DAPK3: variants seen among roughly 807,000 people sequenced by gnomAD.
The protein encoded by DAPK3 is death associated protein kinase 3, also known as death-associated protein kinase 3.
Under a neutral mutation model 30.6 loss-of-function variants are expected in DAPK3, and 24 were observed. That is an observed-to-expected ratio of 0.78 (90% CI 0.57 to 1.10). The LOEUF (loss-of-function observed/expected upper bound fraction) is 1.10. Ranked by LOEUF, DAPK3 falls within the 50% of genes least tolerant of loss-of-function variation. The pLI, the probability that DAPK3 is intolerant of heterozygous loss-of-function variation, is 0.00. For missense variants in DAPK3, 629 were observed against 657.3 expected, an observed-to-expected ratio of 0.96 and a Z score of 0.47; for synonymous variants, 341 against 284.0, an observed-to-expected ratio of 1.20 and a Z score of -2.02.
At chr19:3,967,723 CCA>C (rs1445353847) in intron 2 of DAPK3, among the ~76,000 whole-genome samples, 1 of 152,216 alleles carries the variant, frequency 6.6e-6, no homozygotes, top group East Asian at 1.9e-4. Context: ...CCACTGCACT[CCA>C]GTCTCGGCAA....
At chr19:3,960,451 A>G (rs1215573983) in intron 7 of DAPK3, among the ~76,000 whole-genome samples, 2 of 152,088 alleles carry the variant, frequency 1.3e-5, no homozygotes, top group African/African-American at 2.4e-5. Flanking sequence ...TACTTTACAC[A>G]CCGGCAACTA....
chr19:3,968,832 G>A (rs973117517), intron 2 of DAPK3, among the ~76,000 whole-genome samples: 29 of 152,288 alleles, frequency 1.9e-4, no homozygotes, highest in African/African-American at 6.7e-4. Flanking sequence ...GCTCCAGGGA[G>A]GCTGGCCAGT....
chr19:3,964,322 GCT>G lies in DAPK3; in HGVS notation c.473_474del (p.Lys158ThrfsTer34). On this transcript the variant is annotated frameshift_variant, in exon 4 of 9. Coordinates refer to ENST00000545797, the MANE Select transcript of DAPK3 (RefSeq NM_001348.3). LOFTEE classifies it high-confidence loss of function. ...TTGTGCGCGATGCCGAAGTCGATGAGCTTGATTCGTGGGTTGGGCACGTTCTT... is the reference window on the plus strand; with the variant it reads ...TTGTGCGCGATGCCGAAGTCGATGAGTGATTCGTGGGTTGGGCACGTTCTT... The part of the protein sequence containing the change: ...LDKNVPNPRI[K>X]LIDFGIAHKI... The G allele has an allele frequency of 1.2e-6, 2 of 1,613,136 alleles. No homozygotes were observed. The highest frequency in any genetic ancestry group is 1.7e-6 in the Non-Finnish European group (2 of 1,179,106).
chr19:3,967,641 G>A (rs1407475551), intron 2 of DAPK3, among the ~76,000 whole-genome samples: 2 of 152,266 alleles, frequency 1.3e-5, no homozygotes, highest in Non-Finnish European at 1.5e-5. Flanking sequence ...TGTAATTCCA[G>A]CTACTTGGAA....
intron 7 of DAPK3, among the ~76,000 whole-genome samples, chr19:3,960,803 C>CAAAAA (rs34304441): frequency 1.1e-5 from 1 of 94,028 alleles, no homozygotes; most frequent in African/African-American, 4.4e-5. Flanking sequence ...GACTCCGTCT[C>CAAAAA]AAAAAAAAAA....
In DAPK3 at chr19:3,959,402, GCC is replaced by G; in HGVS notation, c.1062_1063del (p.Glu354AspfsTer222). On this transcript the variant is annotated frameshift_variant, in exon 9 of 9. Coordinates refer to ENST00000545797, the MANE Select transcript of DAPK3 (RefSeq NM_001348.3). LOFTEE classifies it low-confidence loss of function (END_TRUNC). ...CTTCTCCTCGTAGATGGCGGCCAGC[GCC>G]TCCACGTCCTCGTGGCAGAGCCGCC... 6.4e-7 allele frequency: 1 copy of G among 1,566,304 alleles called. No homozygotes were observed. Among genetic ancestry groups the G allele is most frequent in the Non-Finnish European group, 8.6e-7 (1 of 1,163,564 alleles).
At chr19:3,962,180 G>A (rs2039523694) in intron 6 of DAPK3, among the ~76,000 whole-genome samples, 2 of 152,132 alleles carry the variant, frequency 1.3e-5, no homozygotes, top group Non-Finnish European at 2.9e-5. Context: ...TGTGATTAGC[G>A]TAGCACCAAG....
At position 3,969,760 on chromosome 19, in the gene DAPK3, C is replaced by G; in HGVS notation, c.-25G>C. ...TGGCGGCCGGTCCGCCTTCCAGCAG[C>G]TTCCACTCCAGGGAAAGTGCAGTCA... On this transcript the variant is annotated 5_prime_UTR_variant, in exon 2 of 9. Transcript: ENST00000545797. The G allele has an allele frequency of 6.3e-7, 1 of 1,593,328 alleles. No individual in the cohort carries two copies. The highest frequency in any genetic ancestry group is 1.1e-5 in the South Asian group (1 of 90,724).
chr19:3,969,641 C>G (rs368143359), intron 2 of DAPK3, 33 bp downstream of exon 2: 21 of 1,464,896 alleles, frequency 1.4e-5, no homozygotes, highest in Non-Finnish European at 1.8e-5. Flanking sequence ...CTCTCCTATC[C>G]CTGGAGCCCA....
chr19:3,970,126 T>A (rs2039618820), intron 1 of DAPK3, among the ~76,000 whole-genome samples: 1 of 152,202 alleles, frequency 6.6e-6, no homozygotes, highest in Admixed American at 6.5e-5. Flanking sequence ...TTTTTGCCTC[T>A]CACTCCTAGA....
chr19:3,969,582 A>G (rs1251738756), intron 2 of DAPK3, 92 bp downstream of exon 2: 3 of 849,578 alleles, frequency 3.5e-6, no homozygotes, highest in East Asian at 2.4e-5. Flanking sequence ...AGCATACAGG[A>G]TAAAGAACAG....
chr19:3,964,964 GC>G lies in DAPK3; in HGVS notation c.89del (p.Cys30SerfsTer27). On this transcript the variant is annotated frameshift_variant, in exon 3 of 9. Transcript: ENST00000545797. LOFTEE classifies it high-confidence loss of function. The stretch of plus-strand genomic sequence containing the variant: ...ACTCCTTGCCCGTGCCCTTCTGCCG[GC>G]ACTTCCGCACGATCGCAAACTGGCC... ...GSGQFAIVRK[C>X]RQKGTGKEYA... 6.2e-7 allele frequency: 1 copy of G among 1,608,034 alleles called. No homozygotes were observed. The highest frequency in any genetic ancestry group is 8.5e-7 in the Non-Finnish European group (1 of 1,176,504).
chr19:3,964,571 C>A, intron 3 of DAPK3, 60 bp downstream of exon 3: 1 of 1,398,542 alleles, frequency 7.2e-7, no homozygotes, highest in Non-Finnish European at 9.7e-7. Context: ...AGGCTCTTCC[C>A]CGCCCCATCC....
chr19:3,966,039 C>T (rs534644858), intron 2 of DAPK3, among the ~76,000 whole-genome samples: 2 of 152,142 alleles, frequency 1.3e-5, no homozygotes, highest in Admixed American at 6.6e-5. Flanking sequence ...CCCACTCCCC[C>T]ACCCCAAGTG....
chr19:3,962,353 C>T (rs2039525525), intron 6 of DAPK3, among the ~76,000 whole-genome samples: 1 of 152,252 alleles, frequency 6.6e-6, no homozygotes, highest in South Asian at 2.1e-4. Context: ...CTCCTGAAGC[C>T]TTTGGGTCCG....
chr19:3,967,104 G>A (rs945895848), intron 2 of DAPK3, among the ~76,000 whole-genome samples: 2 of 152,150 alleles, frequency 1.3e-5, no homozygotes, highest in Admixed American at 6.5e-5. Context: ...CACGACCCAA[G>A]CGTGGCCTAC....
Position 3,958,765 on chromosome 19 carries a change from G to A in DAPK3, c.*336C>T. The A allele has an allele frequency of 2.0e-6, 1 of 508,416 alleles. No homozygotes were observed. The highest frequency in any genetic ancestry group is 3.6e-6 in the Non-Finnish European group (1 of 278,344). 31.5% of individuals were successfully genotyped at this position (508,416 alleles called of 1,614,324 possible). On this transcript the variant is annotated 3_prime_UTR_variant, in exon 9 of 9. Transcript: ENST00000545797. ...TACCCGCAAACCCTCCTCCGGGCCT[G>A]AACCAGGGCTGCATTCGGGCCGCCT...
Position 3,959,024 on chromosome 19 carries a change from G to A in DAPK3, c.*77C>T, listed in dbSNP as rs186130199. 27 of 942,360 alleles carry A rather than the reference G, an allele frequency of 2.9e-5. No homozygotes were observed. The highest frequency in any genetic ancestry group is 5.1e-5 in the African/African-American group (3 of 58,428). 58.4% of individuals were successfully genotyped at this position (942,360 alleles called of 1,614,324 possible). A position where few individuals can be genotyped will look rare whatever the true frequency, so the allele number is the denominator to read the frequency against. ...AAGGACAGGCACCCGGGCGATGGGA[G>A]GCGCAGCGTCCACAGGAAGCGCCCC... On this transcript the variant is annotated 3_prime_UTR_variant, in exon 9 of 9. Transcript: ENST00000545797.
At position 3,964,725 on chromosome 19, in the gene DAPK3, G is replaced by C; in HGVS notation, c.329C>G (p.Ser110Trp). 3 of 1,612,638 alleles carry C rather than the reference G, an allele frequency of 1.9e-6. No homozygotes were observed. The South Asian group carries it at 3.3e-5, about 18-fold the overall frequency. Reference sequence around the variant, plus strand: ...CTGGGTGGCCTCGTCCTCCGTCAGCGACTCCTTCTCCGCCAGGAAGTCAAA... The same window carrying C: ...CTGGGTGGCCTCGTCCTCCGTCAGCCACTCCTTCTCCGCCAGGAAGTCAAA... ...ELFDFLAEKE[S>W]LTEDEATQFL... Residue 110 changes from serine to tryptophan, a missense_variant, in exon 3 of 9, where the codon TCG becomes TGG. Transcript: ENST00000545797.
Sources: allele counts gnomAD v4.1 joint callset (sites outside exome capture counted in the v4.1 genomes callset), GRCh38; gene constraint gnomAD v4.1.1; transcripts MANE v1.5; gene names NCBI Gene and HGNC (gene_info 2026-07-23, HGNC 2026-07-21).